Variants in KCNQ5 observed in about 807,000 individuals in gnomAD.
The protein encoded by KCNQ5 is potassium voltage-gated channel subfamily Q member 5.
A neutral mutation model predicts 98.2 loss-of-function variants in KCNQ5; 30 were observed. That is an observed-to-expected ratio of 0.31 (90% CI 0.23 to 0.41). The LOEUF is 0.41. KCNQ5 is among the 10% of genes least tolerant of loss of function. The probability of loss-of-function intolerance (pLI) is 1.00; values close to 1 mark genes in which losing one functional copy is unlikely to be tolerated. For missense variants in KCNQ5, 835 were observed against 1,182.5 expected (o/e 0.71, Z 4.31); for synonymous variants, 458 against 449.4 (o/e 1.02, Z -0.24).
rs56804434 is a variant in KCNQ5, at chr6:73,029,904, CAAAAAAA to C, written c.490-12016_490-12010del. On this transcript the variant is annotated intron_variant, in intron 2 of 13. Coordinates refer to ENST00000370398, the MANE Select transcript of KCNQ5 (RefSeq NM_019842.4). ...CCAGCGACAGAGCCAGACTCCGTCT[CAAAAAAA>C]AAAAAAAAAAAAAAAGAGTATACTT... Among the ~76,000 whole-genome samples, 5 of 78,656 alleles carry C rather than the reference CAAAAAAA, an allele frequency of 6.4e-5. No homozygotes were observed. In the Admixed American group the frequency reaches 7.1e-4, roughly 11 times the overall value. The allele number at this position is 78,656 out of a possible 152,430, so 51.6% of individuals were successfully genotyped here.
chr6:72,622,695 T>A lies in KCNQ5; in HGVS notation c.398+108T>A. On this transcript the variant is annotated intron_variant, in intron 1 of 13. Coordinates refer to ENST00000370398, the MANE Select transcript of KCNQ5 (RefSeq NM_019842.4). This position sits in a 1 kb window ranked among gnomAD's most constrained non-coding sequence, Gnocchi z 6.0. ...TTGGGCCCCCGCGCGCGTGCACACG[T>A]GGTGGCTTTTATTTCTTCGCACGTG... 1 of 1,221,026 alleles carries A rather than the reference T, an allele frequency of 8.2e-7. No individual in the cohort carries two copies. The highest frequency in any genetic ancestry group is 1.1e-6 in the Non-Finnish European group (1 of 874,024). 75.6% of individuals were successfully genotyped at this position (1,221,026 alleles called of 1,614,324 possible).
At position 73,157,736 on chromosome 6, in the gene KCNQ5, G is replaced by T. The variant is rs541141859; in HGVS notation, c.1469-12010G>T. The T allele has an allele frequency of 1.7e-5, 13 of 777,680 alleles. No homozygotes were observed. The Admixed American group carries it at 2.2e-4, about 13-fold the overall frequency. 48.2% of individuals were successfully genotyped at this position (777,680 alleles called of 1,614,324 possible). On this transcript the variant is annotated intron_variant, in intron 10 of 13. Transcript: ENST00000370398. ...GCCCCCATCAGGTCATAGGGGTCCC[G>T]AGCGATGAAGTAAGTGTGCTCCTAG...
intron 1 of KCNQ5, among the ~76,000 whole-genome samples, chr6:72,751,509 T>C (rs1771683156): frequency 6.6e-6 from 1 of 152,014 alleles, no homozygotes; most frequent in South Asian, 2.1e-4. Flanking sequence ...AATATACACA[T>C]TTACAATACA....
At chr6:72,651,360 C>T (rs1005546183) in intron 1 of KCNQ5, among the ~76,000 whole-genome samples, 2 of 151,986 alleles carry the variant, frequency 1.3e-5, no homozygotes, top group Non-Finnish European at 2.9e-5. Context: ...AAGAAATGTA[C>T]TTGGGCTATG....
chr6:73,076,137 G>T (rs1044931530), intron 3 of KCNQ5, among the ~76,000 whole-genome samples: 1 of 152,160 alleles, frequency 6.6e-6, no homozygotes, highest in East Asian at 1.9e-4. Flanking sequence ...CCAAAAAGGG[G>T]CACCAGCAGA....
At chr6:73,049,374 G>A (rs1772110847) in intron 3 of KCNQ5, among the ~76,000 whole-genome samples, 1 of 152,144 alleles carries the variant, frequency 6.6e-6, no homozygotes, top group African/African-American at 2.4e-5. Flanking sequence ...AGAATATAGA[G>A]CTTATAAAGC....
intron 1 of KCNQ5, among the ~76,000 whole-genome samples, chr6:72,800,390 T>A (rs1774579220): frequency 6.6e-6 from 1 of 152,236 alleles, no homozygotes; most frequent in South Asian, 2.1e-4. Context: ...CCATTTCTTC[T>A]AGATTTTCTA....
chr6:72,917,764 C>A (rs567613472), intron 1 of KCNQ5, among the ~76,000 whole-genome samples: 114 of 152,216 alleles, frequency 7.5e-4, no homozygotes, highest in African/African-American at 2.7e-3. Flanking sequence ...AGTCACCATG[C>A]GCGGCCAGGA....
chr6:72,707,954 GT>G (rs1331112838), intron 1 of KCNQ5, among the ~76,000 whole-genome samples: 1 of 152,124 alleles, frequency 6.6e-6, no homozygotes, highest in Non-Finnish European at 1.5e-5. Flanking sequence ...AAAGTGTTGG[GT>G]TTACAGGCAT....
chr6:72,748,132 G>C (rs1032483600), intron 1 of KCNQ5, among the ~76,000 whole-genome samples: 1 of 152,118 alleles, frequency 6.6e-6, no homozygotes, highest in Non-Finnish European at 1.5e-5. Flanking sequence ...TTGAGATTGG[G>C]AGAGTAGTTG....
intron 1 of KCNQ5, among the ~76,000 whole-genome samples, chr6:72,919,290 A>C (rs1427456466): frequency 6.6e-6 from 1 of 152,230 alleles, no homozygotes; most frequent in Non-Finnish European, 1.5e-5. Flanking sequence ...GGCAGCTCTT[A>C]AAGAACTCAT....
intron 10 of KCNQ5, among the ~76,000 whole-genome samples, chr6:73,152,719 G>C (rs979953803): frequency 6.6e-6 from 1 of 152,150 alleles, no homozygotes; most frequent in Non-Finnish European, 1.5e-5. Context: ...TATTAGAGCT[G>C]ATTAACTTTG....
At chr6:73,107,300 CCTAGT>C (rs2150422001) in intron 6 of KCNQ5, among the ~76,000 whole-genome samples, 1 of 152,318 alleles carries the variant, frequency 6.6e-6, no homozygotes, top group East Asian at 1.9e-4. Context: ...TAATTCATAA[CCTAGT>C]CTTCATTCAG....
chr6:72,694,171 A>C (rs1312219782), intron 1 of KCNQ5, among the ~76,000 whole-genome samples: 1 of 151,788 alleles, frequency 6.6e-6, no homozygotes, highest in South Asian at 2.1e-4. Flanking sequence ...TTTTTTTTCT[A>C]GTAATTACTC....
chr6:73,161,167 TAGGACTGG>T (rs1171909712), intron 10 of KCNQ5, among the ~76,000 whole-genome samples: 1 of 152,226 alleles, frequency 6.6e-6, no homozygotes, highest in Admixed American at 6.5e-5. Context: ...GCAACATGGA[TAGGACTGG>T]AGGCCATTAT....
intron 2 of KCNQ5, among the ~76,000 whole-genome samples, chr6:73,028,695 A>G (rs754527535): frequency 6.6e-6 from 1 of 152,176 alleles, no homozygotes; most frequent in Non-Finnish European, 1.5e-5. Flanking sequence ...ATAGACAGTT[A>G]TTTTTGCCCA....
In KCNQ5 at chr6:73,063,698, A is replaced by AGATAGATAGAT. The variant is rs1562156143; in HGVS notation, c.617-13623_617-13613dup. On this transcript the variant is annotated intron_variant, in intron 3 of 13. Transcript: ENST00000370398. ...ATAGATAGATAGATGATAGATAGAT[A>AGATAGATAGAT]GATAGATAGATAGATAGATAGATGA... Among the ~76,000 whole-genome samples the AGATAGATAGAT allele has an allele frequency of 3.8e-4, 45 of 117,604 alleles. 1 individual carries two copies. Among genetic ancestry groups the AGATAGATAGAT allele is most frequent in the Non-Finnish European group, 1.6e-4 (9 of 54,842 alleles). The allele number at this position is 117,604 out of a possible 152,430, so 77.2% of individuals were successfully genotyped here. A position where few individuals can be genotyped will look rare whatever the true frequency, so the allele number is the denominator to read the frequency against.
At chr6:72,996,107 T>C (rs1769287363) in intron 1 of KCNQ5, among the ~76,000 whole-genome samples, 1 of 152,226 alleles carries the variant, frequency 6.6e-6, no homozygotes, top group Admixed American at 6.5e-5. Context: ...TCCCAGTTCC[T>C]GGTACAATGT....
At chr6:72,962,966 T>A (rs963656019) in intron 1 of KCNQ5, among the ~76,000 whole-genome samples, 3 of 152,244 alleles carry the variant, frequency 2.0e-5, no homozygotes, top group Non-Finnish European at 2.9e-5. Flanking sequence ...ATGAGATTTA[T>A]ATCTCATACT....
Sources: allele counts gnomAD v4.1 joint callset (sites outside exome capture counted in the v4.1 genomes callset), GRCh38; gene constraint gnomAD v4.1.1; non-coding constraint Gnocchi (gnomAD v3.1); transcripts MANE v1.5; gene names NCBI Gene and HGNC (gene_info 2026-07-23, HGNC 2026-07-21).